MYO9A: variants seen among roughly 807,000 people sequenced by gnomAD.
MYO9A encodes unconventional myosin-IXa.
Under a neutral mutation model 293.3 loss-of-function variants are expected in MYO9A, and 103 were observed. The observed-to-expected ratio is 0.35, with a 90% CI of 0.30 to 0.41. MYO9A has a LOEUF of 0.41. Ranked by LOEUF, MYO9A falls within the 10% of genes least tolerant of loss-of-function variation. The pLI is 1.00. For missense variants in MYO9A, 2,685 were observed against 3,033.0 expected, an observed-to-expected ratio of 0.89 and a Z score of 2.69; for synonymous variants, 1,001 against 1,035.7, an observed-to-expected ratio of 0.97 and a Z score of 0.64.
At chr15:72,059,943 T>C (rs2078831805) in intron 1 of MYO9A, among the ~76,000 whole-genome samples, 4 of 152,182 alleles carry the variant, frequency 2.6e-5, no homozygotes, top group Admixed American at 2.6e-4. Flanking sequence ...ATCCAAACAT[T>C]TTATATTTCC....
intron 6 of MYO9A, among the ~76,000 whole-genome samples, chr15:72,013,550 T>A (rs927492085): frequency 1.3e-5 from 2 of 152,138 alleles, no homozygotes; most frequent in Non-Finnish European, 2.9e-5. Context: ...TCCATATAAG[T>A]TCTTGTTTGT....
chr15:71,968,728 T>A (rs1205848106), intron 12 of MYO9A, among the ~76,000 whole-genome samples: 1 of 151,892 alleles, frequency 6.6e-6, no homozygotes, highest in Admixed American at 6.6e-5. Context: ...AGGAAAAAAA[T>A]CATCACTGGT....
At chr15:71,982,893 A>C (rs1567345629) in intron 11 of MYO9A, among the ~76,000 whole-genome samples, 1 of 152,230 alleles carries the variant, frequency 6.6e-6, no homozygotes, top group Non-Finnish European at 1.5e-5. Flanking sequence ...ATAATGCTAA[A>C]GGGTAACATT....
chr15:72,107,077 TAACA>T (rs1217045471), intron 1 of MYO9A, among the ~76,000 whole-genome samples: 1 of 152,106 alleles, frequency 6.6e-6, no homozygotes, highest in African/African-American at 2.4e-5. Context: ...AAAAATAATT[TAACA>T]AACTAAAAGG....
At chr15:71,882,295 C>T (rs1444663151) in intron 28 of MYO9A, among the ~76,000 whole-genome samples, 1 of 152,140 alleles carries the variant, frequency 6.6e-6, no homozygotes, top group Non-Finnish European at 1.5e-5. Flanking sequence ...GGTATCTTTA[C>T]GTAGTAGCTA....
chr15:72,084,008 T>C (rs983546893), intron 1 of MYO9A, among the ~76,000 whole-genome samples: 3 of 152,204 alleles, frequency 2.0e-5, no homozygotes, highest in Non-Finnish European at 4.4e-5. Context: ...GTCTATTAGG[T>C]CCATCTGATC....
chr15:71,926,664 A>T (rs1208090456), intron 18 of MYO9A, among the ~76,000 whole-genome samples: 1 of 152,192 alleles, frequency 6.6e-6, no homozygotes, highest in African/African-American at 2.4e-5. Context: ...CCACGATCGT[A>T]CCACTGTACT....
At chr15:71,971,306 C>A (rs767327187) in intron 12 of MYO9A, among the ~76,000 whole-genome samples, 6 of 151,976 alleles carry the variant, frequency 3.9e-5, no homozygotes, top group Non-Finnish European at 7.4e-5. Flanking sequence ...CAGGACAGGA[C>A]AGGCACAGTG....
intron 33 of MYO9A, among the ~76,000 whole-genome samples, chr15:71,860,231 A>C (rs566244118): frequency 5.3e-5 from 8 of 152,352 alleles, no homozygotes; most frequent in African/African-American, 1.9e-4. Context: ...CATTACTGTC[A>C]AAGATCCCTC....
At chr15:72,046,937 A>G (rs928321692) in intron 1 of MYO9A, among the ~76,000 whole-genome samples, 2 of 152,204 alleles carry the variant, frequency 1.3e-5, no homozygotes, top group Non-Finnish European at 2.9e-5. Context: ...GTTTGTAAGG[A>G]ACTTGGGATT....
At chr15:71,872,771 T>A (rs1378780783) in intron 32 of MYO9A, among the ~76,000 whole-genome samples, 1 of 152,194 alleles carries the variant, frequency 6.6e-6, no homozygotes, top group African/African-American at 2.4e-5. Context: ...TATGTGTGTA[T>A]ATGTCTGTGT....
chr15:71,951,991 C>T, intron 14 of MYO9A, 95 bp from the exon 15 acceptor site: 1 of 1,347,124 alleles, frequency 7.4e-7, no homozygotes, highest in South Asian at 1.6e-5. Flanking sequence ...ACAATGCTGC[C>T]AACTATTTAA....
At chr15:71,976,464 CT>C (rs947685980) in intron 12 of MYO9A, among the ~76,000 whole-genome samples, 1 of 152,152 alleles carries the variant, frequency 6.6e-6, no homozygotes, top group Non-Finnish European at 1.5e-5. Context: ...CCTATATAAT[CT>C]TTTTTCTTGG....
intron 1 of MYO9A, among the ~76,000 whole-genome samples, chr15:72,057,446 T>C (rs1355869092): frequency 6.6e-6 from 1 of 152,214 alleles, no homozygotes; most frequent in East Asian, 1.9e-4. Flanking sequence ...AAATTACTGT[T>C]TTCCTTTGAA....
At chr15:71,890,635 G>A (rs900689859) in intron 26 of MYO9A, 3 of 152,120 alleles carry the variant, frequency 2.0e-5, no homozygotes, top group African/African-American at 7.2e-5. Flanking sequence ...AGCGTTTGAA[G>A]TAAGAGGTTA....
chr15:72,004,713 A>G (rs1418464767), intron 8 of MYO9A, among the ~76,000 whole-genome samples: 2 of 152,214 alleles, frequency 1.3e-5, no homozygotes, highest in Non-Finnish European at 2.9e-5. Flanking sequence ...ATTACCCACA[A>G]TTTATCAACT....
At chr15:71,920,724 G>A (rs1212099522) in intron 18 of MYO9A, among the ~76,000 whole-genome samples, 1 of 152,092 alleles carries the variant, frequency 6.6e-6, no homozygotes, top group Non-Finnish European at 1.5e-5. Context: ...GAGGTGAGCA[G>A]ATCACTTGAG....
intron 1 of MYO9A, among the ~76,000 whole-genome samples, chr15:72,050,601 C>T (rs141146996): frequency 0.012 from 1,821 of 151,892 alleles, 55 homozygotes; most frequent in Admixed American, 0.057. Flanking sequence ...AGCAAGACTC[C>T]GTCTCTAAAT....
intron 15 of MYO9A, among the ~76,000 whole-genome samples, chr15:71,951,136 G>A (rs1451151699): frequency 6.6e-6 from 1 of 152,190 alleles, no homozygotes; most frequent in Non-Finnish European, 1.5e-5. Flanking sequence ...CATTAATGCG[G>A]TGGTTTTGCT....
Sources: allele counts gnomAD v4.1 joint callset (sites outside exome capture counted in the v4.1 genomes callset), GRCh38; gene constraint gnomAD v4.1.1; transcripts MANE v1.5; gene names NCBI Gene and HGNC (gene_info 2026-07-23, HGNC 2026-07-21).